CSRNP3: variants seen among roughly 807,000 people sequenced by gnomAD.
The protein encoded by CSRNP3 is cysteine and serine rich nuclear protein 3, also known as cysteine/serine-rich nuclear protein 3.
Under a neutral mutation model 48.0 loss-of-function variants are expected in CSRNP3, and 12 were observed. That is an observed-to-expected ratio of 0.25 (90% CI 0.16 to 0.41). The LOEUF (loss-of-function observed/expected upper bound fraction) is 0.41. Among genes scored for constraint, CSRNP3 ranks in the 10% least tolerant of loss-of-function variants. The probability of loss-of-function intolerance (pLI) is 1.00; values close to 1 mark genes in which losing one functional copy is unlikely to be tolerated. For synonymous variants in CSRNP3, 263 were observed against 269.7 expected (o/e 0.98, Z 0.24); for missense variants, 580 against 724.4 (o/e 0.80, Z 2.29).
At position 165,680,758 on chromosome 2, in the gene CSRNP3, C is replaced by T. The variant is rs150426830; in HGVS notation, c.*1005C>T. 1.6e-4 allele frequency: 25 copies of T among 152,100 alleles called. No individual in the cohort carries two copies. In the East Asian group the frequency reaches 3.3e-3, roughly 20 times the overall value. The allele number at this position is 152,100 out of a possible 1,614,324, so 9.4% of individuals were successfully genotyped here. A position where few individuals can be genotyped will look rare whatever the true frequency, so the allele number is the denominator to read the frequency against. ...ATATAATTAATATAGAGGAATCATC[C>T]AATGATACTTATGAAGGGAAAATGA... On this transcript the variant is annotated 3_prime_UTR_variant, in exon 7 of 7. Transcript: ENST00000651982.
chr2:165,590,700 C>A (rs1685702332), intron 3 of CSRNP3, among the ~76,000 whole-genome samples: 1 of 152,084 alleles, frequency 6.6e-6, no homozygotes, highest in Admixed American at 6.5e-5. Flanking sequence ...GGGTTTTCCC[C>A]CTCTATTCGG....
chr2:165,667,460 T>A (rs1328812761), intron 5 of CSRNP3, among the ~76,000 whole-genome samples: 2 of 152,092 alleles, frequency 1.3e-5, no homozygotes, highest in Non-Finnish European at 2.9e-5. Flanking sequence ...TTAAAAAAAA[T>A]TGTTCTCACT....
chr2:165,605,046 C>T (rs1685987038), intron 4 of CSRNP3, among the ~76,000 whole-genome samples: 2 of 152,160 alleles, frequency 1.3e-5, no homozygotes, highest in African/African-American at 4.8e-5. Context: ...CCTCTTTCTC[C>T]TGGACTGCTG....
intron 4 of CSRNP3, among the ~76,000 whole-genome samples, chr2:165,656,452 T>A (rs532096816): frequency 6.6e-6 from 1 of 152,322 alleles, no homozygotes; most frequent in Middle Eastern, 3.4e-3. Flanking sequence ...ATAATTGATA[T>A]GTTAATTAGT....
chr2:165,670,638 T>C (rs886926751), intron 5 of CSRNP3, among the ~76,000 whole-genome samples: 3 of 152,192 alleles, frequency 2.0e-5, no homozygotes, highest in African/African-American at 7.2e-5. Flanking sequence ...CCTCATGAGA[T>C]GTATATGATC....
chr2:165,543,922 GC>G (rs981475943), intron 3 of CSRNP3, among the ~76,000 whole-genome samples: 1 of 151,960 alleles, frequency 6.6e-6, no homozygotes. Context: ...CAAGACACTT[GC>G]CCTCCAGTAT....
chr2:165,512,513 T>G (rs990278054), intron 2 of CSRNP3, among the ~76,000 whole-genome samples: 2 of 152,208 alleles, frequency 1.3e-5, no homozygotes, highest in Non-Finnish European at 2.9e-5. Flanking sequence ...CTATAAATAG[T>G]CTAAGATTAA....
intron 5 of CSRNP3, among the ~76,000 whole-genome samples, chr2:165,671,307 A>T (rs1687327303): frequency 1.3e-5 from 2 of 152,246 alleles, no homozygotes; most frequent in South Asian, 4.1e-4. Context: ...AAAAATGGAC[A>T]AAATGAATAC....
At chr2:165,602,850 C>G (rs77722672) in intron 4 of CSRNP3, among the ~76,000 whole-genome samples, 1 of 152,138 alleles carries the variant, frequency 6.6e-6, no homozygotes, top group Non-Finnish European at 1.5e-5. Context: ...TTGACACATC[C>G]TCTTCGCCAT....
chr2:165,520,804 TATATATATATATATATATATATACATA>T (rs1684648134), intron 3 of CSRNP3, among the ~76,000 whole-genome samples: 1 of 60,066 alleles, frequency 1.7e-5, no homozygotes, highest in African/African-American at 7.3e-5. Flanking sequence ...TATATATATA[TATATATATATATATATATATATACATA>T]TTTTTTTTTC....
chr2:165,673,896 C>G (rs1687376210), intron 5 of CSRNP3, among the ~76,000 whole-genome samples: 1 of 152,032 alleles, frequency 6.6e-6, no homozygotes, highest in Non-Finnish European at 1.5e-5. Context: ...TGGCAGGCGC[C>G]TGTAATCCCA....
At chr2:165,544,033 A>G (rs1164914582) in intron 3 of CSRNP3, among the ~76,000 whole-genome samples, 1 of 151,776 alleles carries the variant, frequency 6.6e-6, no homozygotes, top group Non-Finnish European at 1.5e-5. Flanking sequence ...TTTGAATATA[A>G]TATATATTCT....
Position 165,658,752 on chromosome 2 carries a change from TC to T in CSRNP3, c.408+734del, listed in dbSNP as rs145510683. Among the ~76,000 whole-genome samples the T allele has an allele frequency of 1.6e-4, 24 of 152,130 alleles. No individual in the cohort carries two copies. In the East Asian group the frequency reaches 4.6e-3, roughly 29 times the overall value. On this transcript the variant is annotated intron_variant, in intron 5 of 6. Coordinates refer to ENST00000651982, the MANE Select transcript of CSRNP3 (RefSeq NM_001172173.2). ...GTGAGAGCCAAGTGAAAAAGGAAACTCCTTATAAAACCATCAGATCTCATGA... is the reference window on the plus strand; with the variant it reads ...GTGAGAGCCAAGTGAAAAAGGAAACTCTTATAAAACCATCAGATCTCATGA...
In CSRNP3 at chr2:165,650,292, C is replaced by G. The variant is rs77238770; in HGVS notation, c.149-7469C>G. On this transcript the variant is annotated intron_variant, in intron 4 of 6. Coordinates refer to ENST00000651982, the MANE Select transcript of CSRNP3 (RefSeq NM_001172173.2). Reference sequence around the variant, plus strand: ...AACAAGGAAAGATTGCTTTTAATACCAAACTAGACTTCATTTTCCAAGGAA... The same window carrying G: ...AACAAGGAAAGATTGCTTTTAATACGAAACTAGACTTCATTTTCCAAGGAA... Among the ~76,000 whole-genome samples the G allele has an allele frequency of 5.4e-4, 82 of 152,148 alleles. 5 individuals carry two copies. The East Asian group carries it at 0.016, about 29-fold the overall frequency.
At chr2:165,611,379 G>GTGTGTGTGTGTATA (rs56146559) in intron 4 of CSRNP3, among the ~76,000 whole-genome samples, 7 of 150,944 alleles carry the variant, frequency 4.6e-5, no homozygotes, top group East Asian at 2.0e-4. Flanking sequence ...GTGTGTGTGT[G>GTGTGTGTGTGTATA]TATATACATA....
intron 4 of CSRNP3, among the ~76,000 whole-genome samples, chr2:165,599,277 GAGAGAGAGAAAGAAAGAA>G (rs1685862620): frequency 3.3e-5 from 3 of 90,126 alleles, no homozygotes; most frequent in East Asian, 3.3e-4. Context: ...GAAAGAAAGA[GAGAGAGAGAAAGAAAGAA>G]AGAAAGAAAG....
intron 5 of CSRNP3, among the ~76,000 whole-genome samples, chr2:165,663,859 TG>T (rs1220206241): frequency 2.6e-5 from 4 of 151,840 alleles, no homozygotes; most frequent in Non-Finnish European, 5.9e-5. Flanking sequence ...TTTTCCAGAG[TG>T]TCAGTTGTTA....
chr2:165,476,807 T>C (rs1047585294), intron 1 of CSRNP3, among the ~76,000 whole-genome samples: 1 of 152,228 alleles, frequency 6.6e-6, no homozygotes, highest in Middle Eastern at 3.2e-3. Flanking sequence ...ATTGTGAAGA[T>C]TGGCAGGTGT....
chr2:165,630,269 C>A (rs1009018459), intron 4 of CSRNP3, among the ~76,000 whole-genome samples: 3 of 152,092 alleles, frequency 2.0e-5, no homozygotes, highest in African/African-American at 7.2e-5. Flanking sequence ...TTGAATTAGT[C>A]TTTTCGTTTT....
Sources: allele counts gnomAD v4.1 joint callset (sites outside exome capture counted in the v4.1 genomes callset), GRCh38; gene constraint gnomAD v4.1.1; transcripts MANE v1.5; gene names NCBI Gene and HGNC (gene_info 2026-07-23, HGNC 2026-07-21).